SFMBT2: variants seen among roughly 807,000 people sequenced by gnomAD.
SFMBT2 encodes the protein Scm like with four mbt domains 2.
Under a neutral mutation model 110.1 loss-of-function variants are expected in SFMBT2, and 38 were observed. The observed-to-expected ratio is 0.35, with a 90% CI of 0.27 to 0.45. The LOEUF is 0.45. SFMBT2 is among the 20% of genes least tolerant of loss of function. The pLI, the probability that SFMBT2 is intolerant of heterozygous loss-of-function variation, is 1.00. For synonymous variants in SFMBT2, 425 were observed against 425.4 expected (o/e 1.00, Z 0.01); for missense variants, 1,011 against 1,094.9 (o/e 0.92, Z 1.08).
At chr10:7,169,520 ATCCTCTTTCT>A (rs1837807354) in intron 20 of SFMBT2, among the ~76,000 whole-genome samples, 1 of 152,228 alleles carries the variant, frequency 6.6e-6, no homozygotes, top group Non-Finnish European at 1.5e-5. Context: ...TGCTGGAAAT[ATCCTCTTTCT>A]AGACTACTGA....
intron 6 of SFMBT2, among the ~76,000 whole-genome samples, chr10:7,280,026 G>A (rs1841905152): frequency 6.6e-6 from 1 of 152,240 alleles, no homozygotes; most frequent in Admixed American, 6.5e-5. Flanking sequence ...ATTAGAGTTA[G>A]ATGGAGTTAT....
At chr10:7,383,591 G>A (rs1008858288) in intron 1 of SFMBT2, among the ~76,000 whole-genome samples, 3 of 152,156 alleles carry the variant, frequency 2.0e-5, no homozygotes, top group African/African-American at 4.8e-5. Context: ...TACCTGTTTC[G>A]GAGAATGAAC....
Position 7,311,553 on chromosome 10 carries a change from G to A in SFMBT2, c.437-25599C>T, listed in dbSNP as rs146134092. Among the ~76,000 whole-genome samples the A allele has an allele frequency of 5.3e-5, 8 of 152,192 alleles. No homozygotes were observed. The East Asian group carries it at 5.8e-4, about 11-fold the overall frequency. The stretch of plus-strand genomic sequence containing the variant: ...TTGACTTACAACTCTGCCAGCAGTC[G>A]CTCAGCTACACAGAGCAATAAATGA... On this transcript the variant is annotated intron_variant, in intron 4 of 20. Coordinates refer to ENST00000397167, the MANE Select transcript of SFMBT2 (RefSeq NM_001387889.1).
At chr10:7,200,158 C>T (rs1174388784) in intron 14 of SFMBT2, among the ~76,000 whole-genome samples, 1 of 152,192 alleles carries the variant, frequency 6.6e-6, no homozygotes, top group Non-Finnish European at 1.5e-5. Flanking sequence ...ATTTGCAAGT[C>T]ACACATAAAC....
In SFMBT2 at chr10:7,203,690, C is replaced by T. The variant is rs991628107; in HGVS notation, c.1445-1168G>A. 7.1e-6 allele frequency: 7 copies of T among 984,742 alleles called. No individual in the cohort carries two copies. In the African/African-American group the frequency reaches 1.2e-4, roughly 17 times the overall value. 61.0% of individuals were successfully genotyped at this position (984,742 alleles called of 1,614,324 possible). A position where few individuals can be genotyped will look rare whatever the true frequency, so the allele number is the denominator to read the frequency against. Reference sequence around the variant, plus strand: ...GGTTGGGGAGAATCTATTGGCCATGCTGGCTGAGCAAGGTCAGAATCTGCA... The same window carrying T: ...GGTTGGGGAGAATCTATTGGCCATGTTGGCTGAGCAAGGTCAGAATCTGCA... On this transcript the variant is annotated intron_variant, in intron 12 of 20. Coordinates refer to ENST00000397167, the MANE Select transcript of SFMBT2 (RefSeq NM_001387889.1).
In SFMBT2 at chr10:7,243,590, A is replaced by G; in HGVS notation, c.1088T>C (p.Leu363Pro). ...AGGAGTGAGGCTGACTCCATTTTTA[A>G]GGCACCACTGTACTGGCAAAATCCC... ...SLGILPVQWC[L>P]KNGVSLTPPK... Residue 363 changes from leucine (L) to proline (P), a missense_variant, in exon 9 of 21, where the codon CTT becomes CCT. Physicochemically the swap from Leu to Pro is moderately conservative, Grantham distance 98. Transcript: ENST00000397167. 1 of 872,936 alleles carries G rather than the reference A, an allele frequency of 1.1e-6. No homozygotes were observed. The highest frequency in any genetic ancestry group is 2.0e-6 in the Non-Finnish European group (1 of 501,658). 54.1% of individuals were successfully genotyped at this position (872,936 alleles called of 1,614,324 possible).
rs117580223 is a variant in SFMBT2 at position 7,373,221 on chromosome 10, C to G, written c.101-2846G>C. 2.5e-3 allele frequency among the ~76,000 whole-genome samples: 379 copies of G among 152,272 alleles called. 11 individuals are homozygous for G. The East Asian group carries it at 0.062, about 25-fold the overall frequency. Reference sequence around the variant, plus strand: ...GTGGGTTGTTAAGACCCTGGTTACTCTCTTGCTTCCTCTTTCCATGTGATC... The same window carrying G: ...GTGGGTTGTTAAGACCCTGGTTACTGTCTTGCTTCCTCTTTCCATGTGATC... On this transcript the variant is annotated intron_variant, in intron 2 of 20. Transcript: ENST00000397167.
intron 17 of SFMBT2, among the ~76,000 whole-genome samples, chr10:7,174,477 G>T (rs1023296980): frequency 6.6e-6 from 1 of 152,188 alleles, no homozygotes; most frequent in Non-Finnish European, 1.5e-5. Context: ...ATATCATTCT[G>T]TCCTCCTCCC....
At chr10:7,176,263 A>G in intron 16 of SFMBT2, 98 bp from the exon 17 acceptor site, 1 of 1,298,416 alleles carries the variant, frequency 7.7e-7, no homozygotes, top group Non-Finnish European at 1.1e-6. Context: ...TTCATTTTCC[A>G]ATGACAAAGC....
chr10:7,330,586 T>G (rs1843534384), intron 4 of SFMBT2, among the ~76,000 whole-genome samples: 1 of 152,118 alleles, frequency 6.6e-6, no homozygotes, highest in South Asian at 2.1e-4. Flanking sequence ...ATAATCACCA[T>G]AATTATACAA....
rs1337860694 is a variant in SFMBT2, at chr10:7,216,180, G to A, written c.1330+4231C>T. ...GCTCCAAACTGCTGTGACTGCAGCC[G>A]ACCCCGCTCCCATCGCAGACCGCAG... is the stretch of plus-strand genomic sequence containing the variant. On this transcript the variant is annotated intron_variant, in intron 11 of 20. Coordinates refer to ENST00000397167, the MANE Select transcript of SFMBT2 (RefSeq NM_001387889.1). Among the ~76,000 whole-genome samples the A allele has an allele frequency of 3.9e-5, 6 of 152,192 alleles. No homozygotes were observed. The South Asian group carries it at 6.2e-4, about 16-fold the overall frequency.
chr10:7,246,718 CAAAAAAAAAA>C (rs397949347), intron 8 of SFMBT2, among the ~76,000 whole-genome samples: 1 of 72,152 alleles, frequency 1.4e-5, no homozygotes, highest in Admixed American at 2.1e-4. Flanking sequence ...GACTCCATCT[CAAAAAAAAAA>C]AAAAAAAAAA....
At chr10:7,398,249 C>G (rs954061806) in intron 1 of SFMBT2, among the ~76,000 whole-genome samples, 1 of 152,164 alleles carries the variant, frequency 6.6e-6, no homozygotes, top group South Asian at 2.1e-4. Context: ...CACCTCTTAA[C>G]CTCCCAATCA....
chr10:7,250,325 C>T (rs576533796), intron 7 of SFMBT2, among the ~76,000 whole-genome samples: 6 of 152,238 alleles, frequency 3.9e-5, no homozygotes, highest in South Asian at 2.1e-4. Context: ...CACTTCTAAG[C>T]GAGAACATGA....
At chr10:7,357,002 G>A (rs1173015583) in intron 4 of SFMBT2, among the ~76,000 whole-genome samples, 1 of 152,212 alleles carries the variant, frequency 6.6e-6, no homozygotes, top group Non-Finnish European at 1.5e-5. Flanking sequence ...CAGCATTAAA[G>A]ATAATCCATG....
chr10:7,203,733 C>T, intron 12 of SFMBT2: 1 of 937,296 alleles, frequency 1.1e-6, no homozygotes, highest in Non-Finnish European at 1.3e-6. Flanking sequence ...TTTTGTGAGA[C>T]AGAGCGGAGT....
intron 12 of SFMBT2, chr10:7,205,147 A>G (rs1839086640): frequency 4.7e-6 from 1 of 210,996 alleles, no homozygotes; most frequent in African/African-American, 2.4e-5. Context: ...CTTGGTTGCC[A>G]TCTTGGCTCA....
At chr10:7,196,324 A>G (rs1318222394) in intron 15 of SFMBT2, among the ~76,000 whole-genome samples, 3 of 152,296 alleles carry the variant, frequency 2.0e-5, no homozygotes, top group East Asian at 3.9e-4. Flanking sequence ...GTTTATCTCC[A>G]GCCTAAGTTC....
intron 10 of SFMBT2, among the ~76,000 whole-genome samples, chr10:7,227,434 G>A (rs1839927085): frequency 6.6e-6 from 1 of 152,212 alleles, no homozygotes; most frequent in African/African-American, 2.4e-5. Flanking sequence ...GCCAGGCAAA[G>A]AGCTCCCACC....
Sources: allele counts gnomAD v4.1 joint callset (sites outside exome capture counted in the v4.1 genomes callset), GRCh38; gene constraint gnomAD v4.1.1; transcripts MANE v1.5; gene names NCBI Gene and HGNC (gene_info 2026-07-23, HGNC 2026-07-21).